The following FRYL variants were observed in gnomAD, a reference collection of about 807,000 sequenced individuals.
The protein encoded by FRYL is protein furry homolog-like.
FRYL carries 150 observed loss-of-function variants against 351.2 expected under a neutral mutation model. The ratio of observed to expected loss-of-function variants is 0.43; its 90% CI spans 0.37 to 0.49. The LOEUF is 0.49. Among genes scored for constraint, FRYL ranks in the 20% least tolerant of loss-of-function variants. The pLI, the probability that FRYL is intolerant of heterozygous loss-of-function variation, is 0.00. For missense variants in FRYL, 3,036 were observed against 3,619.3 expected (o/e 0.84, Z 4.13); for synonymous variants, 1,153 against 1,257.1 (o/e 0.92, Z 1.75).
chr4:48,569,619 T>C (rs1180725632), intron 27 of FRYL, among the ~76,000 whole-genome samples: 2 of 152,098 alleles, frequency 1.3e-5, no homozygotes, highest in African/African-American at 4.8e-5. Flanking sequence ...TTTTATTTGC[T>C]TTTTATTAAG....
intron 16 of FRYL, 48 bp from the exon 17 acceptor site, chr4:48,590,878 C>G (rs1386566885): frequency 7.1e-7 from 1 of 1,418,384 alleles, no homozygotes; most frequent in East Asian, 2.4e-5. Context: ...TCATAAATTA[C>G]CTTTTTTGCA....
intron 1 of FRYL, among the ~76,000 whole-genome samples, chr4:48,715,109 G>A (rs1009594821): frequency 2.0e-5 from 3 of 152,070 alleles, no homozygotes; most frequent in Non-Finnish European, 4.4e-5. Context: ...ATTAGGTATT[G>A]ATGGGACGTA....
chr4:48,606,166 G>A (rs1164474795), intron 10 of FRYL, among the ~76,000 whole-genome samples: 5 of 151,300 alleles, frequency 3.3e-5, no homozygotes, highest in Admixed American at 1.3e-4. Flanking sequence ...CCAACTACTC[G>A]GGTGCCTGAG....
chr4:48,703,764 C>T lies in FRYL; in HGVS notation c.-204+6755G>A, dbSNP rs111481094. On this transcript the variant is annotated intron_variant, in intron 2 of 63. Coordinates refer to ENST00000358350, the MANE Select transcript of FRYL (RefSeq NM_015030.2). The stretch of plus-strand genomic sequence containing the variant: ...AGACATAGTTTGTGTATTTGTGGAA[C>T]ACCTACTCCCCTCTTAGACCATTCC... 4.6e-3 allele frequency among the ~76,000 whole-genome samples: 694 copies of T among 152,286 alleles called. 5 individuals carry two copies. The highest frequency in any genetic ancestry group is 0.015 in the African/African-American group (644 of 41,552).
chr4:48,550,269 G>A (rs1560584670), intron 38 of FRYL, among the ~76,000 whole-genome samples: 1 of 151,890 alleles, frequency 6.6e-6, no homozygotes, highest in East Asian at 2.0e-4. Context: ...ATCTTTTAAG[G>A]AAAAAGTGAA....
intron 3 of FRYL, among the ~76,000 whole-genome samples, chr4:48,660,876 T>C (rs1272567582): frequency 2.0e-5 from 3 of 152,076 alleles, no homozygotes; most frequent in African/African-American, 7.2e-5. Context: ...ACCCAACCAA[T>C]AATCCAACAT....
At chr4:48,690,862 T>C (rs1479915043) in intron 2 of FRYL, among the ~76,000 whole-genome samples, 2 of 152,194 alleles carry the variant, frequency 1.3e-5, no homozygotes, top group African/African-American at 4.8e-5. Context: ...ATAAAACAAT[T>C]GCAATGAAAA....
At chr4:48,707,605 GA>G (rs561433418) in intron 2 of FRYL, among the ~76,000 whole-genome samples, 4,533 of 148,304 alleles carry the variant, frequency 0.031, 106 homozygotes, top group Non-Finnish European at 0.043. Flanking sequence ...ACAGACACTA[GA>G]AAAAAAAAAT....
chr4:48,596,135 T>C (rs1341862159), intron 13 of FRYL, 135 bp from the exon 14 acceptor site: 2 of 616,998 alleles, frequency 3.2e-6, no homozygotes, highest in Admixed American at 3.6e-5. Context: ...CAGGTACATA[T>C]TTGGTATAGG....
intron 2 of FRYL, among the ~76,000 whole-genome samples, chr4:48,699,162 G>C (rs1425705924): frequency 6.6e-6 from 1 of 152,176 alleles, no homozygotes; most frequent in Non-Finnish European, 1.5e-5. Flanking sequence ...ATATGGAGTT[G>C]AGATAAAATT....
At chr4:48,627,374 G>A (rs1175649737) in intron 4 of FRYL, among the ~76,000 whole-genome samples, 1 of 152,076 alleles carries the variant, frequency 6.6e-6, no homozygotes, top group Non-Finnish European at 1.5e-5. Context: ...TTTTACTCAT[G>A]TAGCATATTT....
intron 2 of FRYL, among the ~76,000 whole-genome samples, chr4:48,698,497 T>G (rs13103739): frequency 6.6e-6 from 1 of 152,220 alleles, no homozygotes; most frequent in Admixed American, 6.5e-5. Flanking sequence ...CAAAAGTGGT[T>G]ATCTTGGTAT....
chr4:48,565,138 A>T (rs1221498784), intron 29 of FRYL, 95 bp from the exon 30 acceptor site: 1 of 604,226 alleles, frequency 1.7e-6, no homozygotes, highest in Non-Finnish European at 2.8e-6. Flanking sequence ...TCTAGTCACA[A>T]TACTTTAATC....
At chr4:48,673,617 T>C (rs1392097024) in intron 3 of FRYL, among the ~76,000 whole-genome samples, 1 of 152,140 alleles carries the variant, frequency 6.6e-6, no homozygotes, top group Non-Finnish European at 1.5e-5. Context: ...CAAACAATAA[T>C]GCAATGCAAT....
At chr4:48,677,711 GA>G (rs1433997363) in intron 3 of FRYL, among the ~76,000 whole-genome samples, 6 of 151,956 alleles carry the variant, frequency 3.9e-5, no homozygotes, top group Non-Finnish European at 7.4e-5. Flanking sequence ...GCGTCAGCCC[GA>G]AAAAATAACT....
intron 7 of FRYL, among the ~76,000 whole-genome samples, chr4:48,612,838 C>T (rs1748515348): frequency 6.6e-6 from 1 of 151,990 alleles, no homozygotes; most frequent in South Asian, 2.1e-4. Context: ...ATCCACTTGC[C>T]TTGGCCTCCC....
chr4:48,592,211 T>C (rs1743554948), intron 16 of FRYL, among the ~76,000 whole-genome samples: 1 of 151,256 alleles, frequency 6.6e-6, no homozygotes, highest in South Asian at 2.1e-4. Context: ...GATAGTCACA[T>C]GTCACATAGT....
At chr4:48,643,748 A>T (rs114179219) in intron 3 of FRYL, among the ~76,000 whole-genome samples, 3,412 of 152,304 alleles carry the variant, frequency 0.022, 62 homozygotes, top group Non-Finnish European at 0.037. Context: ...TTCTATTCGC[A>T]AAAATAAAAT....
intron 1 of FRYL, among the ~76,000 whole-genome samples, chr4:48,777,933 CCCAGCACTTT>C (rs1173860720): frequency 6.6e-6 from 1 of 152,158 alleles, no homozygotes; most frequent in African/African-American, 2.4e-5. Context: ...AGTCTGTAAT[CCCAGCACTTT>C]GAGAGGCCAA....
Sources: allele counts gnomAD v4.1 joint callset (sites outside exome capture counted in the v4.1 genomes callset), GRCh38; gene constraint gnomAD v4.1.1; transcripts MANE v1.5; gene names NCBI Gene and HGNC (gene_info 2026-07-23, HGNC 2026-07-21).